The following ADIPOR2 variants were observed in gnomAD, a reference collection of about 807,000 sequenced individuals.
ADIPOR2 encodes the protein adiponectin receptor protein 2.
In ADIPOR2, 18 loss-of-function variants were observed where a neutral mutation model predicts 40.9. The ratio of observed to expected loss-of-function variants is 0.44; its 90% CI spans 0.30 to 0.65. ADIPOR2 has a LOEUF of 0.65. ADIPOR2 is among the 30% of genes least tolerant of loss of function. The pLI, the probability that ADIPOR2 is intolerant of heterozygous loss-of-function variation, is 0.09. For synonymous variants in ADIPOR2, 165 were observed against 166.4 expected (o/e 0.99, Z 0.06); for missense variants, 283 against 479.2 (o/e 0.59, Z 3.82).
At chr12:1,745,119 G>A (rs2094752187) in intron 1 of ADIPOR2, among the ~76,000 whole-genome samples, 1 of 152,146 alleles carries the variant, frequency 6.6e-6, no homozygotes, top group Non-Finnish European at 1.5e-5. Context: ...ACCTTGTGGT[G>A]GTGAAAGTCA....
intron 2 of ADIPOR2, among the ~76,000 whole-genome samples, chr12:1,759,668 CA>C (rs1356672684): frequency 6.6e-6 from 1 of 152,098 alleles, no homozygotes; most frequent in Non-Finnish European, 1.5e-5. Flanking sequence ...CCTGCTGAAT[CA>C]GAATCTTTGG....
At position 1,754,801 on chromosome 12, in the gene ADIPOR2, C is replaced by T. The variant is rs202077711; in HGVS notation, c.171+287C>T. 6.6e-5 allele frequency among the ~76,000 whole-genome samples: 10 copies of T among 151,876 alleles called. 1 individual carries two copies. The East Asian group carries it at 1.4e-3, about 21-fold the overall frequency. ...CAGGCGGAGTGCAGTAGCATGATCT[C>T]GGCTCGCTGCAACCTCCGCCTCCTG... On this transcript the variant is annotated intron_variant, in intron 2 of 7. Coordinates refer to ENST00000357103, the MANE Select transcript of ADIPOR2 (RefSeq NM_024551.3).
chr12:1,711,057 G>A (rs1003202152), intron 1 of ADIPOR2, among the ~76,000 whole-genome samples: 10 of 152,214 alleles, frequency 6.6e-5, no homozygotes, highest in Non-Finnish European at 1.3e-4. Context: ...ACGCCAGGTG[G>A]CGTCTCATAC....
intron 2 of ADIPOR2, among the ~76,000 whole-genome samples, chr12:1,759,910 G>A (rs565130321): frequency 3.3e-5 from 5 of 151,900 alleles, no homozygotes; most frequent in South Asian, 2.1e-4. Flanking sequence ...CTATAATCCC[G>A]GCTACTTTGG....
intron 1 of ADIPOR2, among the ~76,000 whole-genome samples, chr12:1,698,477 C>G (rs2094643802): frequency 6.6e-6 from 1 of 152,150 alleles, no homozygotes; most frequent in South Asian, 2.1e-4. Flanking sequence ...TTTGCCTTAG[C>G]TTCTCAAAGT....
At chr12:1,738,338 G>A (rs1269249022) in intron 1 of ADIPOR2, among the ~76,000 whole-genome samples, 1 of 152,074 alleles carries the variant, frequency 6.6e-6, no homozygotes, top group African/African-American at 2.4e-5. Context: ...AGCTGTGATT[G>A]CACTACTGTG....
chr12:1,783,307 C>G (rs1862761092), intron 6 of ADIPOR2, among the ~76,000 whole-genome samples: 1 of 151,936 alleles, frequency 6.6e-6, no homozygotes, highest in African/African-American at 2.4e-5. Flanking sequence ...ACTCCTGGAG[C>G]TGTCCTTTCC....
intron 7 of ADIPOR2, among the ~76,000 whole-genome samples, chr12:1,785,024 G>A (rs994519228): frequency 2.0e-5 from 3 of 152,130 alleles, no homozygotes; most frequent in African/African-American, 4.8e-5. Context: ...TTGGTATGGA[G>A]GGGTTTTTGC....
chr12:1,754,577 A>G, intron 2 of ADIPOR2, 63 bp downstream of exon 2: 1 of 1,476,830 alleles, frequency 6.8e-7, no homozygotes, highest in Non-Finnish European at 9.0e-7. Context: ...CAGAGGGAGG[A>G]TATGGGGAAA....
chr12:1,720,535 G>A (rs1026747512), intron 1 of ADIPOR2, among the ~76,000 whole-genome samples: 6 of 152,190 alleles, frequency 3.9e-5, no homozygotes, highest in African/African-American at 1.4e-4. Context: ...GGAGACAGTG[G>A]CAGATCATCA....
intron 1 of ADIPOR2, among the ~76,000 whole-genome samples, chr12:1,730,156 T>G (rs1468025465): frequency 6.6e-6 from 1 of 152,034 alleles, no homozygotes; most frequent in Non-Finnish European, 1.5e-5. Context: ...CTTAGGCATC[T>G]CAAGAGATAA....
rs768828151 is a variant in ADIPOR2, at chr12:1,785,923, CTCT to C, written c.1033-16_1033-14del. The C allele has an allele frequency of 5.0e-6, 8 of 1,613,276 alleles. No individual in the cohort carries two copies. In the African/African-American group the frequency reaches 6.7e-5, roughly 13 times the overall value. On this transcript the variant is annotated intron_variant, in intron 7 of 7. Transcript: ENST00000357103. ...AATGTATGGGTTTCTCTACCCCCTT[CTCT>C]TCTTTTTTCCCCTCCAGTTTCACTC...
chr12:1,721,734 AG>A (rs1239888393), intron 1 of ADIPOR2, among the ~76,000 whole-genome samples: 1 of 152,170 alleles, frequency 6.6e-6, no homozygotes, highest in East Asian at 1.9e-4. Context: ...TTGTCAGGGA[AG>A]GATCCTTTGA....
intron 1 of ADIPOR2, among the ~76,000 whole-genome samples, chr12:1,727,645 C>A (rs960522983): frequency 2.0e-5 from 3 of 152,020 alleles, no homozygotes; most frequent in Non-Finnish European, 4.4e-5. Flanking sequence ...TTCCAAGAAT[C>A]GAAACCCTTG....
chr12:1,692,704 C>T (rs1257490983), intron 1 of ADIPOR2, among the ~76,000 whole-genome samples: 2 of 149,106 alleles, frequency 1.3e-5, no homozygotes, highest in African/African-American at 2.5e-5. Context: ...TTTTTTCTAT[C>T]AATAGTATCA....
intron 1 of ADIPOR2, among the ~76,000 whole-genome samples, chr12:1,714,654 A>G (rs1734218596): frequency 6.6e-6 from 1 of 151,932 alleles, no homozygotes; most frequent in African/African-American, 2.4e-5. Flanking sequence ...ATCTGAGTCG[A>G]GGACCCGGTG....
chr12:1,751,343 A>G (rs1046839961), intron 1 of ADIPOR2, among the ~76,000 whole-genome samples: 2 of 152,128 alleles, frequency 1.3e-5, no homozygotes, highest in Admixed American at 6.5e-5. Flanking sequence ...AACAGTATTG[A>G]TAGGAATGTA....
intron 1 of ADIPOR2, among the ~76,000 whole-genome samples, chr12:1,693,727 C>A (rs542916151): frequency 2.0e-5 from 3 of 151,694 alleles, no homozygotes; most frequent in African/African-American, 7.3e-5. Flanking sequence ...TTAGTAGAGA[C>A]GGGGTTTCAC....
intron 1 of ADIPOR2, among the ~76,000 whole-genome samples, chr12:1,723,268 C>T (rs1171688895): frequency 6.6e-6 from 1 of 152,004 alleles, no homozygotes; most frequent in African/African-American, 2.4e-5. Flanking sequence ...GATCTTGTCT[C>T]CTTCGCATGT....
Sources: gnomAD v4.1 joint callset for allele counts (sites outside exome capture counted in the v4.1 genomes callset) on GRCh38, gnomAD v4.1.1 for gene constraint, MANE v1.5 for transcripts, NCBI Gene and HGNC (gene_info 2026-07-23, HGNC 2026-07-21) for gene names.